BBOF1: variants seen among roughly 807,000 people sequenced by gnomAD.
The protein encoded by BBOF1 is basal body-orientation factor 1.
Under a neutral mutation model 68.0 loss-of-function variants are expected in BBOF1, and 62 were observed. That is an observed-to-expected ratio of 0.91 (90% CI 0.74 to 1.13). BBOF1 has a LOEUF of 1.13. BBOF1 is among the 50% of genes most tolerant of loss of function. BBOF1 has a pLI of 0.00. For missense variants in BBOF1, 534 were observed against 600.1 expected, an observed-to-expected ratio of 0.89 and a Z score of 1.15; for synonymous variants, 208 against 198.8, an observed-to-expected ratio of 1.05 and a Z score of -0.39.
intron 3 of BBOF1, among the ~76,000 whole-genome samples, chr14:74,030,939 T>G (rs11159058): frequency 0.64 from 92,211 of 145,140 alleles, 30,476 homozygotes; most frequent in African/African-American, 0.84. Context: ...TATATATATA[T>G]AGAGAGAGAG....
intron 2 of BBOF1, among the ~76,000 whole-genome samples, chr14:74,023,910 C>T (rs956439559): frequency 5.3e-5 from 7 of 131,480 alleles, no homozygotes; most frequent in East Asian, 4.3e-4. Flanking sequence ...GGCGACAGAG[C>T]GAGAGACTCC....
chr14:74,045,955 T>A, intron 5 of BBOF1, 105 bp from the exon 6 acceptor site: 6 of 962,056 alleles, frequency 6.2e-6, no homozygotes, highest in Non-Finnish European at 4.6e-6. Flanking sequence ...TTTCAGGTCA[T>A]GGGGACAGGA....
chr14:74,035,581 C>T lies in BBOF1; in HGVS notation c.495+1410C>T, dbSNP rs774614580. ...TACAGGCGTGCACCACCACCCCCAG[C>T]TAATTTTTTTTTTTTTTTTTTTTTT... On this transcript the variant is annotated intron_variant, in intron 4 of 11. Transcript: ENST00000394009. Among the ~76,000 whole-genome samples the T allele has an allele frequency of 3.9e-3, 418 of 106,420 alleles. 1 individual carries two copies. The highest frequency in any genetic ancestry group is 6.1e-3 in the Non-Finnish European group (335 of 54,500). The allele number at this position is 106,420 out of a possible 152,430, so 69.8% of individuals were successfully genotyped here.
At chr14:74,023,939 A>G (rs556053044) in intron 2 of BBOF1, among the ~76,000 whole-genome samples, 46 of 151,318 alleles carry the variant, frequency 3.0e-4, no homozygotes, top group African/African-American at 8.3e-4. Flanking sequence ...AAAAAAAAAA[A>G]AAAAGAAAAG....
chr14:74,046,500 G>A (rs1411085241), intron 6 of BBOF1, among the ~76,000 whole-genome samples: 1 of 152,126 alleles, frequency 6.6e-6, no homozygotes, highest in Non-Finnish European at 1.5e-5. Flanking sequence ...AGCCTCCTGA[G>A]TAGCTGGGAT....
chr14:74,039,625 G>C (rs1315146353), intron 4 of BBOF1, among the ~76,000 whole-genome samples: 1 of 150,428 alleles, frequency 6.6e-6, no homozygotes, highest in Non-Finnish European at 1.5e-5. Context: ...TAGTAGAGAC[G>C]GGGGTTTCAC....
Position 74,033,845 on chromosome 14 carries a change from G to A in BBOF1, c.352-183G>A, listed in dbSNP as rs140403488. ...CGCGCCATCGCACTCCAGCCTGGGC[G>A]ACAGAGCAAGACTCCATCTCAAAAT... On this transcript the variant is annotated intron_variant, in intron 3 of 11. Coordinates refer to ENST00000394009, the MANE Select transcript of BBOF1 (RefSeq NM_025057.3). Among the ~76,000 whole-genome samples, 185 of 151,790 alleles carry A rather than the reference G, an allele frequency of 1.2e-3. No individual in the cohort carries two copies. In the East Asian group the frequency reaches 0.031, roughly 26 times the overall value.
At chr14:74,063,186 T>A (rs1282793331) in intron 11 of BBOF1, among the ~76,000 whole-genome samples, 1 of 145,422 alleles carries the variant, frequency 6.9e-6, no homozygotes, top group East Asian at 2.0e-4. Context: ...TAGTAATAAT[T>A]CTTCTTTTTT....
At position 74,032,966 on chromosome 14, in the gene BBOF1, T is replaced by C. The variant is rs550256853; in HGVS notation, c.352-1062T>C. Among the ~76,000 whole-genome samples the C allele has an allele frequency of 2.6e-5, 4 of 152,056 alleles. No individual in the cohort carries two copies. The East Asian group carries it at 7.7e-4, about 29-fold the overall frequency. On this transcript the variant is annotated intron_variant, in intron 3 of 11. Coordinates refer to ENST00000394009, the MANE Select transcript of BBOF1 (RefSeq NM_025057.3). ...TCCCTCTCCTCCTCCTCTTTCTCCT[T>C]CTCTTCCTCTCAGTCTTTTATGTCT... is the stretch of plus-strand genomic sequence containing the variant.
intron 2 of BBOF1, among the ~76,000 whole-genome samples, chr14:74,023,909 G>A (rs1208267503): frequency 1.2e-4 from 18 of 144,008 alleles, no homozygotes; most frequent in African/African-American, 4.7e-4. Context: ...GGGCGACAGA[G>A]CGAGAGACTC....
At chr14:74,075,204 T>C (rs2060599149) in intron 9 of BBOF1, among the ~76,000 whole-genome samples, 1 of 152,116 alleles carries the variant, frequency 6.6e-6, no homozygotes, top group Admixed American at 6.6e-5. Flanking sequence ...CAATAAACCA[T>C]AATAATCATG....
At chr14:74,023,264 A>G (rs923483901) in intron 2 of BBOF1, 120 bp downstream of exon 2, 5 of 593,842 alleles carry the variant, frequency 8.4e-6, no homozygotes, top group Non-Finnish European at 1.5e-5. Flanking sequence ...AGACATTTCA[A>G]TTGACCTTAA....
At chr14:74,073,143 G>C (rs146747834) in intron 9 of BBOF1, among the ~76,000 whole-genome samples, 1,785 of 151,764 alleles carry the variant, frequency 0.012, 39 homozygotes, top group Admixed American at 0.06. Context: ...GTCTCACTCT[G>C]TTGCCCAGGC....
Position 74,057,264 on chromosome 14 carries a change from G to T in BBOF1, c.1578+6G>T. On this transcript the variant is annotated splice_donor_region_variant and intron_variant, in intron 11 of 11. Transcript: ENST00000394009. ...AACCTCAGGAGTCTGACACAGTAAG[G>T]AGTCTGTATCTAATCAAACAATGTA... 6.2e-7 allele frequency: 1 copy of T among 1,614,116 alleles called. No homozygotes were observed. Among genetic ancestry groups the T allele is most frequent in the Non-Finnish European group, 8.5e-7 (1 of 1,179,994 alleles).
intron 2 of BBOF1, 106 bp from the exon 3 acceptor site, chr14:74,029,078 C>G (rs1002540743): frequency 5.9e-6 from 4 of 678,696 alleles, no homozygotes; most frequent in Non-Finnish European, 1.0e-5. Flanking sequence ...TCACTCACCT[C>G]TTTTGCCATA....
At chr14:74,061,710 CT>C (rs923449510) in intron 11 of BBOF1, among the ~76,000 whole-genome samples, 1 of 152,070 alleles carries the variant, frequency 6.6e-6, no homozygotes, top group Admixed American at 6.6e-5. Context: ...AGTAAAATGT[CT>C]GACATTATAC....
At chr14:74,054,204 G>A (rs527366477) in intron 8 of BBOF1, among the ~76,000 whole-genome samples, 5 of 151,970 alleles carry the variant, frequency 3.3e-5, no homozygotes, top group African/African-American at 9.6e-5. Flanking sequence ...TAGAGACAGC[G>A]TTTCACCATG....
At chr14:74,062,156 C>A (rs1359055509) in intron 11 of BBOF1, among the ~76,000 whole-genome samples, 2 of 151,046 alleles carry the variant, frequency 1.3e-5, no homozygotes, top group African/African-American at 2.4e-5. Flanking sequence ...GAGAATGCAC[C>A]ATTGCACTCC....
intron 8 of BBOF1, among the ~76,000 whole-genome samples, chr14:74,051,074 T>C (rs1256534327): frequency 6.6e-6 from 1 of 151,998 alleles, no homozygotes; most frequent in Non-Finnish European, 1.5e-5. Flanking sequence ...TGAAACCCTG[T>C]CTCTACTAAA....
Sources: allele counts gnomAD v4.1 joint callset (sites outside exome capture counted in the v4.1 genomes callset), GRCh38; gene constraint gnomAD v4.1.1; transcripts MANE v1.5; gene names NCBI Gene and HGNC (gene_info 2026-07-23, HGNC 2026-07-21).